Variants in ALDH18A1 observed in about 807,000 individuals in gnomAD.
ALDH18A1 encodes delta-1-pyrroline-5-carboxylate synthase.
ALDH18A1 carries 44 observed loss-of-function variants against 88.8 expected under a neutral mutation model. That is an observed-to-expected ratio of 0.50 (90% CI 0.39 to 0.64). The LOEUF (loss-of-function observed/expected upper bound fraction) is 0.64, where lower values mean the gene tolerates loss of function less well. ALDH18A1 is among the 30% of genes least tolerant of loss of function. The pLI is 0.00. For missense variants in ALDH18A1, 782 were observed against 1,009.5 expected (o/e 0.77, Z 3.05); for synonymous variants, 331 against 372.1 (o/e 0.89, Z 1.27).
intron 12 of ALDH18A1, among the ~76,000 whole-genome samples, chr10:95,618,820 C>T (rs1017079142): frequency 6.6e-6 from 1 of 152,130 alleles, no homozygotes; most frequent in African/African-American, 2.4e-5. Flanking sequence ...GAAATTTGCT[C>T]CTGCACTGTG....
intron 3 of ALDH18A1, among the ~76,000 whole-genome samples, chr10:95,641,979 C>T (rs2097892604): frequency 6.6e-6 from 1 of 152,060 alleles, no homozygotes; most frequent in South Asian, 2.1e-4. Context: ...CACTTTGTTG[C>T]TCAGGCTTGA....
chr10:95,653,175 G>T, intron 2 of ALDH18A1, 115 bp downstream of exon 2: 1 of 1,016,300 alleles, frequency 9.8e-7, no homozygotes, highest in Non-Finnish European at 1.5e-6. Flanking sequence ...GTGACAAAAT[G>T]AGACCCTGTC....
In ALDH18A1 at chr10:95,653,358, C is replaced by A. The variant is rs753553298; in HGVS notation, c.20G>T (p.Arg7Leu). 3 of 1,613,190 alleles carry A rather than the reference C, an allele frequency of 1.9e-6. No individual in the cohort carries two copies. The highest frequency in any genetic ancestry group is 1.7e-6 in the Non-Finnish European group (2 of 1,179,914). MLSQVYRCGFQPFNQHL... is the reference protein window; with the variant it reads MLSQVYLCGFQPFNQHL... ...TTGGTTGAAGGGCTGGAACCCACAG[C>A]GGTAAACTTGACTCAACATGCTGCG... The change falls in exon 2 of 18, where the codon CGC becomes CTC. Residue 7 changes from arginine to leucine, a missense_variant. By Grantham distance (102) the Arg-to-Leu change is moderately radical. Transcript: ENST00000371224.
Position 95,606,713 on chromosome 10 carries a change from G to A in ALDH18A1, c.*49C>T, listed in dbSNP as rs762484852. Reference sequence around the variant, plus strand: ...CGGGCTCTCTCCTGAGATAAGACAAGTTTAACGTGAAGACCTTTTGGAAAA... The same window carrying A: ...CGGGCTCTCTCCTGAGATAAGACAAATTTAACGTGAAGACCTTTTGGAAAA... On this transcript the variant is annotated 3_prime_UTR_variant, in exon 18 of 18. Coordinates refer to ENST00000371224, the MANE Select transcript of ALDH18A1 (RefSeq NM_002860.4). 1.9e-6 allele frequency: 3 copies of A among 1,613,834 alleles called. No individual in the cohort carries two copies. The highest frequency in any genetic ancestry group is 1.1e-5 in the South Asian group (1 of 91,012).
chr10:95,623,271 T>C (rs1589508580), intron 11 of ALDH18A1, among the ~76,000 whole-genome samples: 1 of 152,370 alleles, frequency 6.6e-6, no homozygotes, highest in African/African-American at 2.4e-5. Context: ...TAATTACTAC[T>C]AAATATTCCA....
At chr10:95,652,809 C>G (rs549288887) in intron 2 of ALDH18A1, among the ~76,000 whole-genome samples, 2 of 152,222 alleles carry the variant, frequency 1.3e-5, no homozygotes, top group South Asian at 4.1e-4. Flanking sequence ...CACCAGGAGA[C>G]TACCTCTTTG....
At chr10:95,616,739 G>T in intron 12 of ALDH18A1, 125 bp from the exon 13 acceptor site, 1 of 1,266,444 alleles carries the variant, frequency 7.9e-7, no homozygotes, top group Non-Finnish European at 1.1e-6. Flanking sequence ...GGCCTATGCT[G>T]TTTCATCTTC....
At chr10:95,653,544 C>T in intron 1 of ALDH18A1, 139 bp from the exon 2 acceptor site, 1 of 706,052 alleles carries the variant, frequency 1.4e-6, no homozygotes. Context: ...AAACTCCCAC[C>T]TCCTCTATAT....
intron 5 of ALDH18A1, among the ~76,000 whole-genome samples, chr10:95,636,823 A>G (rs1272369627): frequency 6.6e-6 from 1 of 152,244 alleles, no homozygotes; most frequent in Non-Finnish European, 1.5e-5. Flanking sequence ...ATATTTACTG[A>G]CAATGTATTA....
intron 11 of ALDH18A1, 28 bp downstream of exon 11, chr10:95,625,334 C>T: frequency 6.3e-7 from 1 of 1,598,188 alleles, no homozygotes; most frequent in South Asian, 1.1e-5. Context: ...CCCTCCACAA[C>T]ATTGACTTTA....
At chr10:95,637,252 A>C in intron 4 of ALDH18A1, 35 bp downstream of exon 4, 1 of 1,614,244 alleles carries the variant, frequency 6.2e-7, no homozygotes, top group South Asian at 1.1e-5. Context: ...GAAGACCTGA[A>C]GATCCATTTC....
chr10:95,634,057 G>T (rs1242924745), intron 5 of ALDH18A1, among the ~76,000 whole-genome samples: 1 of 151,840 alleles, frequency 6.6e-6, no homozygotes, highest in Non-Finnish European at 1.5e-5. Flanking sequence ...TGGGATTACA[G>T]GTGTGATCCA....
At chr10:95,653,210 T>C (rs1395313095) in intron 2 of ALDH18A1, 80 bp downstream of exon 2, 39 of 1,336,434 alleles carry the variant, frequency 2.9e-5, no homozygotes, top group Admixed American at 6.8e-5. Context: ...CAAACATCTT[T>C]TTTCTCTTTG....
intron 2 of ALDH18A1, among the ~76,000 whole-genome samples, chr10:95,644,150 C>CA (rs1262499589): frequency 6.6e-6 from 1 of 150,594 alleles, no homozygotes; most frequent in Non-Finnish European, 1.5e-5. Flanking sequence ...CTCAAAAAAA[C>CA]AAAAAAAGAG....
chr10:95,633,106 T>A, intron 6 of ALDH18A1, 57 bp from the exon 7 acceptor site: 1 of 1,488,518 alleles, frequency 6.7e-7, no homozygotes, highest in Non-Finnish European at 9.4e-7. Flanking sequence ...AAAAAGAAAT[T>A]CATGGAAGAA....
intron 11 of ALDH18A1, among the ~76,000 whole-genome samples, chr10:95,624,211 T>C (rs2097857378): frequency 6.6e-6 from 1 of 152,250 alleles, no homozygotes; most frequent in Admixed American, 6.5e-5. Flanking sequence ...CACGCTCATG[T>C]ATACCCACGG....
chr10:95,616,807 T>G, intron 12 of ALDH18A1, 193 bp from the exon 13 acceptor site: 1 of 753,460 alleles, frequency 1.3e-6, no homozygotes, highest in East Asian at 2.8e-5. Flanking sequence ...ATAAGGGCAC[T>G]GAAGCCCAGA....
chr10:95,617,212 A>T (rs1049860211), intron 12 of ALDH18A1, among the ~76,000 whole-genome samples: 5 of 152,106 alleles, frequency 3.3e-5, no homozygotes, highest in Non-Finnish European at 7.4e-5. Flanking sequence ...GCACCACTTC[A>T]CTCCAGCCTG....
intron 17 of ALDH18A1, among the ~76,000 whole-genome samples, chr10:95,607,935 C>T (rs1355900167): frequency 6.6e-6 from 1 of 152,174 alleles, no homozygotes; most frequent in Non-Finnish European, 1.5e-5. Context: ...AGAGTGAAAC[C>T]AGCAGGATTC....
Sources: gnomAD v4.1 joint callset for allele counts (sites outside exome capture counted in the v4.1 genomes callset) on GRCh38, gnomAD v4.1.1 for gene constraint, MANE v1.5 for transcripts, NCBI Gene and HGNC (gene_info 2026-07-23, HGNC 2026-07-21) for gene names.